Variants in SPATA13 observed in about 807,000 individuals in gnomAD.
SPATA13 encodes the protein spermatogenesis-associated protein 13.
Under a neutral mutation model 104.0 loss-of-function variants are expected in SPATA13, and 50 were observed. The ratio of observed to expected loss-of-function variants is 0.48; its 90% CI spans 0.38 to 0.61. The LOEUF (loss-of-function observed/expected upper bound fraction) is 0.61, where lower values mean the gene tolerates loss of function less well. SPATA13 is among the 20% of genes least tolerant of loss of function. SPATA13 has a pLI of 0.00. For synonymous variants in SPATA13, 606 were observed against 667.5 expected (o/e 0.91, Z 1.42); for missense variants, 1,524 against 1,690.6 (o/e 0.90, Z 1.73).
intron 1 of SPATA13, among the ~76,000 whole-genome samples, chr13:24,181,674 A>T (rs1868816434): frequency 6.6e-6 from 1 of 151,968 alleles, no homozygotes; most frequent in Non-Finnish European, 1.5e-5. Context: ...GGGAAGTAAC[A>T]CGCATAGAGC....
At chr13:24,118,085 T>G (rs1243730960) in intron 3 of SPATA13, among the ~76,000 whole-genome samples, 2 of 152,172 alleles carry the variant, frequency 1.3e-5, no homozygotes, top group East Asian at 3.8e-4. Context: ...TGATCAAAAC[T>G]CTAAAACAGA....
intron 3 of SPATA13, among the ~76,000 whole-genome samples, chr13:24,067,557 T>C (rs1479063875): frequency 6.6e-6 from 1 of 152,196 alleles, no homozygotes; most frequent in African/African-American, 2.4e-5. Flanking sequence ...GTAATAAATA[T>C]CAAATTTAAA....
At chr13:24,074,125 G>A (rs9551052) in intron 3 of SPATA13, among the ~76,000 whole-genome samples, 21,972 of 144,030 alleles carry the variant, frequency 0.15, 1,946 homozygotes, top group East Asian at 0.31. Context: ...CAATCTTCAG[G>A]ACATCTTGAA....
intron 3 of SPATA13, among the ~76,000 whole-genome samples, chr13:24,113,887 AAAAG>A (rs1182325653): frequency 5.3e-5 from 8 of 150,380 alleles, no homozygotes; most frequent in East Asian, 1.9e-4. Context: ...AAAAAAAAAA[AAAAG>A]AAAGAAAGAA....
intron 2 of SPATA13, among the ~76,000 whole-genome samples, chr13:24,007,120 C>G (rs1233307133): frequency 6.6e-6 from 1 of 152,190 alleles, no homozygotes; most frequent in African/African-American, 2.4e-5. Flanking sequence ...CCCTCTGGCA[C>G]TGTAGTCACC....
At chr13:24,115,502 G>A (rs553683833) in intron 3 of SPATA13, among the ~76,000 whole-genome samples, 1 of 152,234 alleles carries the variant, frequency 6.6e-6, no homozygotes, top group Non-Finnish European at 1.5e-5. Flanking sequence ...TGTACGTTGC[G>A]TGCTCCTTAT....
chr13:24,281,485 G>A (rs1000606981), intron 4 of SPATA13, among the ~76,000 whole-genome samples: 11 of 152,182 alleles, frequency 7.2e-5, no homozygotes, highest in Non-Finnish European at 1.2e-4. Context: ...GGTGTCCGGC[G>A]CACCTGTCTG....
At chr13:24,082,223 AG>A (rs1232758131) in intron 3 of SPATA13, among the ~76,000 whole-genome samples, 1 of 152,170 alleles carries the variant, frequency 6.6e-6, no homozygotes, top group Non-Finnish European at 1.5e-5. Flanking sequence ...GAGGACGCTG[AG>A]GTTCAGAAAG....
At chr13:24,260,859 C>A (rs928077507) in intron 4 of SPATA13, among the ~76,000 whole-genome samples, 1 of 152,174 alleles carries the variant, frequency 6.6e-6, no homozygotes, top group Non-Finnish European at 1.5e-5. Flanking sequence ...ACACAGGGAG[C>A]CTTGTCCTAC....
chr13:24,107,020 A>G (rs1215310477), intron 3 of SPATA13, among the ~76,000 whole-genome samples: 1 of 151,968 alleles, frequency 6.6e-6, no homozygotes, highest in Non-Finnish European at 1.5e-5. Context: ...GGGAACCTTC[A>G]GATTAAGTAC....
At chr13:24,135,697 CAAAAA>C (rs34145507) in intron 3 of SPATA13, among the ~76,000 whole-genome samples, 3 of 82,324 alleles carry the variant, frequency 3.6e-5, no homozygotes, top group Non-Finnish European at 2.3e-5. Context: ...GAATCCGTCT[CAAAAA>C]AAAAAAAAAA....
intron 5 of SPATA13, among the ~76,000 whole-genome samples, chr13:24,284,795 T>A (rs901373525): frequency 6.6e-6 from 1 of 152,216 alleles, no homozygotes. Flanking sequence ...GTTCGGCCAG[T>A]GCTTTCCACT....
intron 1 of SPATA13, among the ~76,000 whole-genome samples, chr13:24,219,690 A>C (rs925636681): frequency 6.6e-6 from 1 of 152,236 alleles, no homozygotes; most frequent in Non-Finnish European, 1.5e-5. Context: ...GTGGAAGCAC[A>C]GAGTAAGGGA....
intron 4 of SPATA13, among the ~76,000 whole-genome samples, chr13:24,261,861 G>T (rs1174248740): frequency 6.6e-6 from 1 of 152,022 alleles, no homozygotes; most frequent in Non-Finnish European, 1.5e-5. Flanking sequence ...TTAAAATTGA[G>T]GTATTTTATC....
rs564764619 is a variant in SPATA13 at position 24,135,775 on chromosome 13, G to T, written c.-111-87044G>T. On this transcript the variant is annotated intron_variant, in intron 3 of 14. Coordinates refer to the SPATA13 transcript ENST00000424834. Reference sequence around the variant, plus strand: ...ACTATAAGCTTTTTGCTAATCCTTAGAATTACTGCTGGGTGAGGGGAACTG... The same window carrying T: ...ACTATAAGCTTTTTGCTAATCCTTATAATTACTGCTGGGTGAGGGGAACTG... 9.3e-5 allele frequency among the ~76,000 whole-genome samples: 14 copies of T among 150,984 alleles called. No homozygotes were observed. In the South Asian group the frequency reaches 2.9e-3, roughly 32 times the overall value.
chr13:24,289,057 C>A lies in SPATA13; in HGVS notation c.2726C>A (p.Thr909Asn). The change falls in exon 8 of 13, where the codon ACT becomes AAT. Residue 909 changes from threonine to asparagine, a missense_variant. By Grantham distance (65) the Thr-to-Asn change is moderately conservative (BLOSUM62 0). This residue lies in a region of SPATA13 where 435 missense variants were observed against 554.8 expected (regional missense o/e 0.78). Coordinates refer to ENST00000382108, the MANE Select transcript of SPATA13 (RefSeq NM_001166271.3). ...TGMFTVAQLATIFGNIEDIYK... is the reference protein window; with the variant it reads ...TGMFTVAQLANIFGNIEDIYK... Reference sequence around the variant, plus strand: ...ATGTTCACCGTTGCGCAGCTAGCCACTATTTTTGGAAACATTGAAGATATT... The same window carrying A: ...ATGTTCACCGTTGCGCAGCTAGCCAATATTTTTGGAAACATTGAAGATATT... 1 of 1,614,028 alleles carries A rather than the reference C, an allele frequency of 6.2e-7. No individual in the cohort carries two copies. Among genetic ancestry groups the A allele is most frequent in the Non-Finnish European group, 8.5e-7 (1 of 1,180,004 alleles).
intron 2 of SPATA13, among the ~76,000 whole-genome samples, chr13:23,988,067 C>A (rs764703843): frequency 6.6e-6 from 1 of 152,018 alleles, no homozygotes; most frequent in African/African-American, 2.4e-5. Context: ...CCTCAGCCTC[C>A]TGAGTAGCTG....
At chr13:24,124,621 T>G (rs370504252) in intron 3 of SPATA13, among the ~76,000 whole-genome samples, 10 of 152,358 alleles carry the variant, frequency 6.6e-5, no homozygotes, top group East Asian at 3.9e-4. Context: ...ATTCTACCTC[T>G]TCAAAAGCTA....
chr13:24,185,314 G>A (rs1275347630), intron 1 of SPATA13, among the ~76,000 whole-genome samples: 1 of 152,092 alleles, frequency 6.6e-6, no homozygotes, highest in African/African-American at 2.4e-5. Flanking sequence ...TTTCCACAAG[G>A]GATTTTATTT....
Sources: allele counts gnomAD v4.1 joint callset (sites outside exome capture counted in the v4.1 genomes callset), GRCh38; gene constraint gnomAD v4.1.1; regional missense constraint gnomAD v4.1.1; transcripts MANE v1.5; gene names NCBI Gene and HGNC (gene_info 2026-07-23, HGNC 2026-07-21).